The following INTS2 variants were observed in gnomAD, a reference collection of about 807,000 sequenced individuals.
INTS2 encodes KIAA1287.
INTS2 carries 57 observed loss-of-function variants against 139.6 expected under a neutral mutation model. The observed-to-expected ratio is 0.41, with a 90% confidence interval of 0.33 to 0.51. INTS2 has a LOEUF of 0.51. INTS2 is among the 20% of genes least tolerant of loss of function. The pLI, the probability that INTS2 is intolerant of heterozygous loss-of-function variation, is 0.28. For synonymous variants in INTS2, 473 were observed against 493.4 expected, an observed-to-expected ratio of 0.96 and a Z score of 0.55; for missense variants, 1,196 against 1,436.7, an observed-to-expected ratio of 0.83 and a Z score of 2.71.
intron 3 of INTS2, among the ~76,000 whole-genome samples, chr17:61,924,330 C>G (rs1317773140): frequency 6.6e-6 from 1 of 152,146 alleles, no homozygotes; most frequent in African/African-American, 2.4e-5. Context: ...ATTTGATAAT[C>G]TGTACAAGCC....
Position 61,868,140 on chromosome 17 carries a change from A to AG in INTS2, c.3245-132dup. The AG allele has an allele frequency of 1.6e-6, 1 of 630,938 alleles. No individual in the cohort carries two copies. The highest frequency in any genetic ancestry group is 2.5e-6 in the Non-Finnish European group (1 of 393,736). The allele number at this position is 630,938 out of a possible 1,614,324, so 39.1% of individuals were successfully genotyped here. ...CTCTAAACACAGCCAACCCGTCTTC[A>AG]GAAAGCTCACAATCTAGTAGTCTCA... is the stretch of plus-strand genomic sequence containing the variant. On this transcript the variant is annotated intron_variant, in intron 23 of 24. Coordinates refer to ENST00000251334, the MANE Select transcript of INTS2 (RefSeq NM_001351695.2). This position sits in a 1 kb window ranked among gnomAD's most constrained non-coding sequence, Gnocchi z 4.7.
chr17:61,890,219 T>A (rs1321303186), intron 14 of INTS2, among the ~76,000 whole-genome samples: 1 of 152,128 alleles, frequency 6.6e-6, no homozygotes. Context: ...ATGAAAAAAG[T>A]AACTCCTAAA....
chr17:61,887,458 G>A (rs145450574), intron 15 of INTS2, among the ~76,000 whole-genome samples: 1 of 149,468 alleles, frequency 6.7e-6, no homozygotes, highest in East Asian at 2.0e-4. Flanking sequence ...ACTCTAGCCT[G>A]GGCAACACAA....
intron 3 of INTS2, among the ~76,000 whole-genome samples, chr17:61,922,545 T>TATATATATATAC (rs1240151659): frequency 2.4e-5 from 3 of 127,060 alleles, no homozygotes; most frequent in Non-Finnish European, 3.2e-5. Context: ...TATATATATA[T>TATATATATATAC]ACGTGTTCAA....
rs2079038942 is a variant in INTS2 at position 61,865,676 on chromosome 17, T to G, written c.*1881A>C. 1 of 152,314 alleles carries G rather than the reference T, an allele frequency of 6.6e-6. No individual in the cohort carries two copies. The highest frequency in any genetic ancestry group is 2.4e-5 in the African/African-American group (1 of 41,418). The allele number at this position is 152,314 out of a possible 1,614,324, so 9.4% of individuals were successfully genotyped here. On this transcript the variant is annotated 3_prime_UTR_variant, in exon 25 of 25. Transcript: ENST00000251334. The surrounding 1 kb of genome is among the most constrained non-coding windows in gnomAD (Gnocchi z 4.8). The stretch of plus-strand genomic sequence containing the variant: ...TTTTTCTGAACTCCTAGGGCATATC[T>G]ATTCACACAAAATATCGCAAGGCCT...
chr17:61,877,812 C>T (rs1395862270), intron 18 of INTS2, 75 bp downstream of exon 18: 1 of 1,249,212 alleles, frequency 8.0e-7, no homozygotes, highest in Non-Finnish European at 1.1e-6. Context: ...ATTTTTTAAA[C>T]AATTAAATTT....
Position 61,870,143 on chromosome 17 carries a change from T to C in INTS2, c.2779-155A>G, listed in dbSNP as rs534687113. ...CTTCTAAGAGCAGAACTGAGCAATCTGTAGAGCAGTGGTTCTCACCTTTTT... is the reference window on the plus strand; with the variant it reads ...CTTCTAAGAGCAGAACTGAGCAATCCGTAGAGCAGTGGTTCTCACCTTTTT... On this transcript the variant is annotated intron_variant, in intron 20 of 24. Transcript: ENST00000251334. The surrounding 1 kb of genome is among the most constrained non-coding windows in gnomAD (Gnocchi z 4.4). Among the ~76,000 whole-genome samples, 86 of 152,338 alleles carry C rather than the reference T, an allele frequency of 5.6e-4. No individual in the cohort carries two copies. Among genetic ancestry groups the C allele is most frequent in the African/African-American group, 2.0e-3 (83 of 41,586 alleles).
rs1481760745 is a variant in INTS2 at position 61,873,431 on chromosome 17, C to T, written c.2583-971G>A. ...TTCACAAGTTGTTAAGTGAAAAATC[C>T]GAGCTACAAAAACATTAGATACAAT... On this transcript the variant is annotated intron_variant, in intron 19 of 24. Transcript: ENST00000251334. This position sits in a 1 kb window ranked among gnomAD's most constrained non-coding sequence, Gnocchi z 4.0. Among the ~76,000 whole-genome samples the T allele has an allele frequency of 3.9e-5, 6 of 151,956 alleles. No individual in the cohort carries two copies. The highest frequency in any genetic ancestry group is 3.9e-4 in the East Asian group (2 of 5,180).
intron 5 of INTS2, among the ~76,000 whole-genome samples, chr17:61,917,863 G>A (rs1035755736): frequency 2.0e-5 from 3 of 152,192 alleles, no homozygotes; most frequent in Admixed American, 2.0e-4. Flanking sequence ...TAGAAAGGGG[G>A]ATATAACTAT....
chr17:61,919,871 G>A (rs1384341747), intron 4 of INTS2, among the ~76,000 whole-genome samples: 1 of 152,100 alleles, frequency 6.6e-6, no homozygotes, highest in East Asian at 1.9e-4. Flanking sequence ...TAGAATTACA[G>A]GCATGAGCCA....
intron 13 of INTS2, among the ~76,000 whole-genome samples, chr17:61,891,920 C>T (rs550364621): frequency 6.6e-6 from 1 of 151,974 alleles, no homozygotes; most frequent in South Asian, 2.1e-4. Flanking sequence ...GCTTGCCTTT[C>T]GGTTTAATCT....
At chr17:61,921,944 C>CA in intron 3 of INTS2, 117 bp from the exon 4 acceptor site, 1 of 573,400 alleles carries the variant, frequency 1.7e-6, no homozygotes, top group East Asian at 2.9e-5. Flanking sequence ...ACTAATATAC[C>CA]ACAGCAGAAT....
intron 9 of INTS2, 39 bp downstream of exon 9, chr17:61,904,421 A>C (rs2079439833): frequency 6.9e-7 from 1 of 1,440,120 alleles, no homozygotes; most frequent in Non-Finnish European, 9.6e-7. Context: ...AAATAAAAGT[A>C]AACCTTGAGA....
At chr17:61,900,126 T>C (rs2079389957) in intron 9 of INTS2, among the ~76,000 whole-genome samples, 1 of 152,038 alleles carries the variant, frequency 6.6e-6, no homozygotes, top group South Asian at 2.1e-4. Flanking sequence ...CTAGAGAATA[T>C]ATAGATAAAT....
chr17:61,884,724 G>C (rs548097367), intron 16 of INTS2, among the ~76,000 whole-genome samples, 177 bp downstream of exon 16: 6 of 152,244 alleles, frequency 3.9e-5, no homozygotes, highest in African/African-American at 9.6e-5. Context: ...TGCGTTTTAG[G>C]GGGCAGGCTG....
intron 7 of INTS2, among the ~76,000 whole-genome samples, chr17:61,908,131 T>C (rs2079484958): frequency 6.6e-6 from 1 of 152,162 alleles, no homozygotes; most frequent in Non-Finnish European, 1.5e-5. Context: ...TTTACAATTC[T>C]TGGCCTGATG....
At chr17:61,899,359 T>G (rs1401224802) in intron 9 of INTS2, among the ~76,000 whole-genome samples, 1 of 152,110 alleles carries the variant, frequency 6.6e-6, no homozygotes, top group Admixed American at 6.5e-5. Flanking sequence ...CAAGAGATTC[T>G]CCTGCCTCAG....
intron 9 of INTS2, among the ~76,000 whole-genome samples, chr17:61,903,174 G>GAAA (rs551514700): frequency 1.7e-5 from 1 of 59,962 alleles, no homozygotes; most frequent in Non-Finnish European, 3.4e-5. Context: ...CTCAAAAAAG[G>GAAA]AAAAAAAAAA....
At position 61,882,720 on chromosome 17, in the gene INTS2, T is replaced by C. The variant is rs949162713; in HGVS notation, c.2090-1549A>G. ...CTCCAGCCTGGGTGACAGAGCAAGATGCTGTCTCAAAAAAAATTATGACAC... is the reference window on the plus strand; with the variant it reads ...CTCCAGCCTGGGTGACAGAGCAAGACGCTGTCTCAAAAAAAATTATGACAC... On this transcript the variant is annotated intron_variant, in intron 16 of 24. Transcript: ENST00000251334. This position sits in a 1 kb window ranked among gnomAD's most constrained non-coding sequence, Gnocchi z 4.7. 6.6e-6 allele frequency among the ~76,000 whole-genome samples: 1 copy of C among 152,168 alleles called. No individual in the cohort carries two copies. The highest frequency in any genetic ancestry group is 1.9e-4 in the East Asian group (1 of 5,194).
Sources: gnomAD v4.1 joint callset for allele counts (sites outside exome capture counted in the v4.1 genomes callset) on GRCh38, gnomAD v4.1.1 for gene constraint, Gnocchi (gnomAD v3.1) non-coding constraint, MANE v1.5 for transcripts, NCBI Gene and HGNC (gene_info 2026-07-23, HGNC 2026-07-21) for gene names.